The following PIP4K2A variants were observed in gnomAD, a reference collection of about 807,000 sequenced individuals.
PIP4K2A encodes the protein phosphatidylinositol 5-phosphate 4-kinase type-2 alpha.
A neutral mutation model predicts 42.9 loss-of-function variants in PIP4K2A; 14 were observed. The ratio of observed to expected loss-of-function variants is 0.33; its 90% CI spans 0.22 to 0.51. PIP4K2A has a LOEUF of 0.51. Among genes scored for constraint, PIP4K2A ranks in the 20% least tolerant of loss-of-function variants. The probability of loss-of-function intolerance (pLI) is 0.97; values close to 1 mark genes in which losing one functional copy is unlikely to be tolerated. For missense variants in PIP4K2A, 434 were observed against 519.8 expected (o/e 0.83, Z 1.61); for synonymous variants, 192 against 192.2 (o/e 1.00, Z 0.01).
intron 4 of PIP4K2A, among the ~76,000 whole-genome samples, chr10:22,581,709 G>C (rs1440827599): frequency 2.0e-5 from 3 of 151,910 alleles, no homozygotes; most frequent in Admixed American, 2.0e-4. Flanking sequence ...TTAATTCTAA[G>C]AGTGCTGTCA....
At chr10:22,611,312 T>C (rs950915777) in intron 1 of PIP4K2A, among the ~76,000 whole-genome samples, 1 of 151,748 alleles carries the variant, frequency 6.6e-6, no homozygotes, top group African/African-American at 2.4e-5. Context: ...ATCACTTGTA[T>C]CCAGGATTTC....
intron 1 of PIP4K2A, among the ~76,000 whole-genome samples, chr10:22,699,389 A>G (rs1325617370): frequency 2.0e-5 from 3 of 151,992 alleles, no homozygotes; most frequent in African/African-American, 7.3e-5. Flanking sequence ...CTGAGAAGAA[A>G]ACTTCTGTTC....
At chr10:22,594,953 C>T (rs1837600246) in intron 3 of PIP4K2A, among the ~76,000 whole-genome samples, 1 of 152,180 alleles carries the variant, frequency 6.6e-6, no homozygotes, top group African/African-American at 2.4e-5. Context: ...CCAACCCACA[C>T]TATCTGAATA....
At chr10:22,621,354 G>A (rs376432195) in intron 1 of PIP4K2A, among the ~76,000 whole-genome samples, 6 of 152,286 alleles carry the variant, frequency 3.9e-5, no homozygotes, top group African/African-American at 1.4e-4. Flanking sequence ...CAATCACACA[G>A]CACTCTAAGA....
At position 22,714,446 on chromosome 10, in the gene PIP4K2A, C is replaced by T. The variant is rs1833973203; in HGVS notation, c.-120G>A. The T allele has an allele frequency of 1.9e-6, 1 of 533,788 alleles. No homozygotes were observed. The highest frequency in any genetic ancestry group is 2.4e-6 in the Non-Finnish European group (1 of 416,000). 33.1% of individuals were successfully genotyped at this position (533,788 alleles called of 1,614,324 possible). On this transcript the variant is annotated 5_prime_UTR_variant, in exon 1 of 10. Transcript: ENST00000376573. ...GCGGCGGCCCCGGCGCGCCGCGCTC[C>T]GCTCCGCCCGCCGCCGCCGGCGCGC...
At chr10:22,573,974 C>A (rs796663086) in intron 4 of PIP4K2A, among the ~76,000 whole-genome samples, 5 of 152,356 alleles carry the variant, frequency 3.3e-5, no homozygotes, top group African/African-American at 7.2e-5. Context: ...GAGAAGGGGG[C>A]AACCCCTGTG....
intron 5 of PIP4K2A, 53 bp from the exon 6 acceptor site, chr10:22,567,942 C>G: frequency 6.6e-7 from 1 of 1,508,940 alleles, no homozygotes. Context: ...TTGGGTTTCA[C>G]ACGCAGAAAA....
intron 6 of PIP4K2A, among the ~76,000 whole-genome samples, chr10:22,562,554 AAAAC>A (rs1156804705): frequency 6.6e-6 from 1 of 152,234 alleles, no homozygotes. Context: ...GTCTCGAAAA[AAAAC>A]AAAACAGTTT....
intron 1 of PIP4K2A, among the ~76,000 whole-genome samples, chr10:22,634,721 C>A (rs1624192): frequency 6.6e-6 from 1 of 151,932 alleles, no homozygotes; most frequent in Non-Finnish European, 1.5e-5. Context: ...AGGAAGCATA[C>A]ATTTTTTTTA....
intron 6 of PIP4K2A, among the ~76,000 whole-genome samples, chr10:22,566,587 C>T (rs1836853044): frequency 6.6e-6 from 1 of 152,204 alleles, no homozygotes; most frequent in Non-Finnish European, 1.5e-5. Flanking sequence ...CCAGCATCTT[C>T]TCCGGGCTAC....
chr10:22,593,375 T>C (rs576836699), intron 3 of PIP4K2A, among the ~76,000 whole-genome samples: 46 of 152,132 alleles, frequency 3.0e-4, no homozygotes, highest in Non-Finnish European at 5.9e-4. Context: ...TAATCCCCAA[T>C]GACTTTAAAT....
Position 22,548,960 on chromosome 10 carries a change from G to A in PIP4K2A, c.792+1699C>T, listed in dbSNP as rs188447908. ...TCCCAGCTACTATGGAGGCTGAGGC[G>A]GGAGGACTGCCTGAGCTGGGAGTTC... On this transcript the variant is annotated intron_variant, in intron 7 of 9. Coordinates refer to ENST00000376573, the MANE Select transcript of PIP4K2A (RefSeq NM_005028.5). Among the ~76,000 whole-genome samples the A allele has an allele frequency of 5.6e-3, 847 of 152,252 alleles. 13 individuals are homozygous for A. The highest frequency in any genetic ancestry group is 0.018 in the African/African-American group (768 of 41,538).
At chr10:22,663,021 A>G (rs576669890) in intron 1 of PIP4K2A, among the ~76,000 whole-genome samples, 28 of 152,354 alleles carry the variant, frequency 1.8e-4, no homozygotes, top group African/African-American at 6.3e-4. Context: ...CTGGAATTAG[A>G]TGCACATTCT....
Position 22,536,027 on chromosome 10 carries a change from T to C in PIP4K2A, c.*1174A>G, listed in dbSNP as rs76630921. 1,154 of 398,296 alleles carry C rather than the reference T, an allele frequency of 2.9e-3. 24 individuals are homozygous for C. The East Asian group carries it at 0.04, about 14-fold the overall frequency. The allele number at this position is 398,296 out of a possible 1,614,324, so 24.7% of individuals were successfully genotyped here. ...ATTTCACCTATACTGTGACTTTACA[T>C]GTAAACTTCAAAAATCACATGCTGT... On this transcript the variant is annotated 3_prime_UTR_variant, in exon 10 of 10. Transcript: ENST00000376573.
At chr10:22,608,439 C>T (rs747500025) in intron 2 of PIP4K2A, among the ~76,000 whole-genome samples, 7 of 152,292 alleles carry the variant, frequency 4.6e-5, no homozygotes, top group South Asian at 2.1e-4. Context: ...CCTCACCCCC[C>T]TAAAAGGCCT....
At chr10:22,616,145 G>A (rs1039084519) in intron 1 of PIP4K2A, among the ~76,000 whole-genome samples, 5 of 152,140 alleles carry the variant, frequency 3.3e-5, no homozygotes, top group African/African-American at 4.8e-5. Flanking sequence ...AGTGCAGAGC[G>A]CCAAAATGTC....
chr10:22,647,308 C>T (rs974869445), intron 1 of PIP4K2A, among the ~76,000 whole-genome samples: 2 of 140,322 alleles, frequency 1.4e-5, no homozygotes, highest in African/African-American at 5.1e-5. Context: ...TCTCTAAATA[C>T]TGTGTGTGTG....
chr10:22,651,509 C>G (rs1838996148), intron 1 of PIP4K2A, among the ~76,000 whole-genome samples: 1 of 152,198 alleles, frequency 6.6e-6, no homozygotes, highest in Non-Finnish European at 1.5e-5. Context: ...TTCTCTCACT[C>G]CCTCACTCTG....
At chr10:22,578,933 G>A (rs1837188373) in intron 4 of PIP4K2A, among the ~76,000 whole-genome samples, 1 of 152,028 alleles carries the variant, frequency 6.6e-6, no homozygotes, top group East Asian at 1.9e-4. Flanking sequence ...TTAACACCAT[G>A]ACCCTTACCT....
Sources: allele counts gnomAD v4.1 joint callset (sites outside exome capture counted in the v4.1 genomes callset), GRCh38; gene constraint gnomAD v4.1.1; transcripts MANE v1.5; gene names NCBI Gene and HGNC (gene_info 2026-07-23, HGNC 2026-07-21).